Variants in SNTG1 observed in about 807,000 individuals in gnomAD.
SNTG1 encodes syntrophin gamma 1.
In SNTG1, 39 loss-of-function variants were observed where a neutral mutation model predicts 74.7. That is an observed-to-expected ratio of 0.52 (90% CI 0.40 to 0.68). SNTG1 has a LOEUF of 0.68. SNTG1 is among the 30% of genes least tolerant of loss of function. The pLI, the probability that SNTG1 is intolerant of heterozygous loss-of-function variation, is 0.00. For missense variants in SNTG1, 685 were observed against 609.5 expected (o/e 1.12, Z -1.30); for synonymous variants, 254 against 217.1 (o/e 1.17, Z -1.49).
At chr8:50,678,548 A>G (rs1361589247) in intron 15 of SNTG1, among the ~76,000 whole-genome samples, 2 of 152,110 alleles carry the variant, frequency 1.3e-5, no homozygotes, top group East Asian at 3.9e-4. Context: ...TATTTAAGGA[A>G]CATATCTACT....
chr8:50,712,015 T>C (rs1214551491), intron 17 of SNTG1, among the ~76,000 whole-genome samples: 1 of 152,210 alleles, frequency 6.6e-6, no homozygotes, highest in Non-Finnish European at 1.5e-5. Flanking sequence ...TATATGTGCA[T>C]TAATTAATTT....
At chr8:50,213,492 AT>A (rs2131928586) in intron 2 of SNTG1, among the ~76,000 whole-genome samples, 1 of 152,312 alleles carries the variant, frequency 6.6e-6, no homozygotes, top group South Asian at 2.1e-4. Context: ...TGTCATCAAA[AT>A]TTTGGGAAAA....
At chr8:50,460,930 A>T (rs189176550) in intron 8 of SNTG1, among the ~76,000 whole-genome samples, 1 of 152,278 alleles carries the variant, frequency 6.6e-6, no homozygotes, top group African/African-American at 2.4e-5. Context: ...TTATGAAATT[A>T]TTACTAATAT....
intron 1 of SNTG1, among the ~76,000 whole-genome samples, chr8:49,941,273 T>C (rs1367288648): frequency 6.6e-6 from 1 of 151,924 alleles, no homozygotes; most frequent in Admixed American, 6.6e-5. Flanking sequence ...GCTGAAGAGG[T>C]TGAACAGCTC....
chr8:50,700,177 C>T (rs1454758801), intron 15 of SNTG1, among the ~76,000 whole-genome samples: 2 of 152,150 alleles, frequency 1.3e-5, no homozygotes, highest in Non-Finnish European at 2.9e-5. Context: ...TGTAAATACT[C>T]CTTATTATAC....
intron 8 of SNTG1, among the ~76,000 whole-genome samples, chr8:50,459,096 C>T (rs1587697302): frequency 1.3e-5 from 2 of 152,106 alleles, no homozygotes; most frequent in East Asian, 1.9e-4. Flanking sequence ...CTTTCGTATA[C>T]AGTAAGGTAA....
At chr8:50,233,656 C>T (rs189892217) in intron 2 of SNTG1, among the ~76,000 whole-genome samples, 1 of 151,164 alleles carries the variant, frequency 6.6e-6, no homozygotes, top group African/African-American at 2.4e-5. Context: ...AACCACAAAC[C>T]TGATAAAGAG....
intron 2 of SNTG1, among the ~76,000 whole-genome samples, chr8:50,300,634 C>T (rs1587014262): frequency 1.3e-5 from 2 of 151,834 alleles, no homozygotes; most frequent in East Asian, 3.9e-4. Context: ...AAACAGGAGA[C>T]TGATTAAAAA....
intron 4 of SNTG1, among the ~76,000 whole-genome samples, chr8:50,412,132 G>A (rs560596603): frequency 6.6e-6 from 1 of 152,130 alleles, no homozygotes; most frequent in Non-Finnish European, 1.5e-5. Flanking sequence ...CTAGGTATAA[G>A]ATTCATATTA....
At chr8:50,280,985 C>CAAAAAAA (rs35973666) in intron 2 of SNTG1, among the ~76,000 whole-genome samples, 64 of 75,376 alleles carry the variant, frequency 8.5e-4, no homozygotes, top group Non-Finnish European at 1.0e-3. Flanking sequence ...AACCCAGTCT[C>CAAAAAAA]AAAAAAAAAA....
chr8:50,658,583 C>T lies in SNTG1; in HGVS notation c.967-9C>T. On this transcript the variant is annotated splice_polypyrimidine_tract_variant and intron_variant, in intron 14 of 18. Transcript: ENST00000642720. ...AACAAATTAAACATTATTTTCTTAT[C>T]TTTTAAAGGTGACCACCTGGGACTG... 6.3e-7 allele frequency: 1 copy of T among 1,582,462 alleles called. No individual in the cohort carries two copies. The highest frequency in any genetic ancestry group is 1.1e-5 in the South Asian group (1 of 89,266).
intron 2 of SNTG1, among the ~76,000 whole-genome samples, chr8:50,355,891 G>A (rs2091803415): frequency 6.6e-6 from 1 of 152,130 alleles, no homozygotes; most frequent in East Asian, 1.9e-4. Flanking sequence ...AGACTGAGCT[G>A]ATTCCAGTCT....
At chr8:49,936,690 G>A (rs1808109200) in intron 1 of SNTG1, among the ~76,000 whole-genome samples, 1 of 152,060 alleles carries the variant, frequency 6.6e-6, no homozygotes, top group Non-Finnish European at 1.5e-5. Flanking sequence ...GTACCCAAAT[G>A]TTCATAGCAC....
At chr8:50,152,119 G>A (rs566311493) in intron 1 of SNTG1, among the ~76,000 whole-genome samples, 1 of 152,256 alleles carries the variant, frequency 6.6e-6, no homozygotes, top group Admixed American at 6.5e-5. Flanking sequence ...ATATATTTAA[G>A]ATAACTCTTC....
chr8:50,592,285 T>C (rs1031616458), intron 13 of SNTG1, among the ~76,000 whole-genome samples: 4 of 152,218 alleles, frequency 2.6e-5, no homozygotes, highest in African/African-American at 9.6e-5. Context: ...GTTTTGTAAG[T>C]TCCTCTCCAA....
chr8:50,770,111 T>C (rs1198496754), intron 18 of SNTG1, among the ~76,000 whole-genome samples: 1 of 152,098 alleles, frequency 6.6e-6, no homozygotes, highest in Non-Finnish European at 1.5e-5. Context: ...CTATAAACGC[T>C]GGAATGCAAA....
intron 1 of SNTG1, among the ~76,000 whole-genome samples, chr8:50,154,132 C>T (rs2082172498): frequency 6.6e-6 from 1 of 152,160 alleles, no homozygotes; most frequent in Non-Finnish European, 1.5e-5. Flanking sequence ...CTCGCTGCTG[C>T]CTTGCACTTT....
At chr8:50,083,703 TGTG>T (rs1822616317) in intron 1 of SNTG1, among the ~76,000 whole-genome samples, 1 of 152,184 alleles carries the variant, frequency 6.6e-6, no homozygotes, top group African/African-American at 2.4e-5. Flanking sequence ...TAATATCCCT[TGTG>T]GTGGTGTGCT....
chr8:50,318,499 C>A (rs2090399566), intron 2 of SNTG1, among the ~76,000 whole-genome samples: 1 of 152,208 alleles, frequency 6.6e-6, no homozygotes, highest in Non-Finnish European at 1.5e-5. Context: ...CCCTCCATCA[C>A]TTCACAGCAG....
Sources: allele counts gnomAD v4.1 joint callset (sites outside exome capture counted in the v4.1 genomes callset), GRCh38; gene constraint gnomAD v4.1.1; transcripts MANE v1.5; gene names NCBI Gene and HGNC (gene_info 2026-07-23, HGNC 2026-07-21).